The following MREG variants were observed in gnomAD, a reference collection of about 807,000 sequenced individuals.
MREG encodes dilute suppressor protein homolog.
A neutral mutation model predicts 28.5 loss-of-function variants in MREG; 31 were observed. The ratio of observed to expected loss-of-function variants is 1.09; its 90% confidence interval spans 0.82 to 1.47. MREG has a LOEUF of 1.47. Among genes scored for constraint, MREG ranks in the 40% most tolerant of loss-of-function variants. MREG has a pLI of 0.00. For synonymous variants in MREG, 106 were observed against 95.2 expected (o/e 1.11, Z -0.66); for missense variants, 256 against 257.4 (o/e 0.99, Z 0.04).
chr2:215,972,674 T>G (rs912143163), intron 2 of MREG, among the ~76,000 whole-genome samples: 2 of 151,826 alleles, frequency 1.3e-5, no homozygotes, highest in Non-Finnish European at 2.9e-5. Flanking sequence ...GATATGTTCA[T>G]GACCTTGATT....
intron 1 of MREG, among the ~76,000 whole-genome samples, chr2:216,000,445 A>T (rs1693987812): frequency 1.3e-5 from 2 of 151,946 alleles, no homozygotes; most frequent in Non-Finnish European, 2.9e-5. Context: ...TCCTTGAGTC[A>T]CCCAGACCTG....
chr2:216,021,488 T>TAAA (rs1694520092), intron 1 of MREG, among the ~76,000 whole-genome samples: 1 of 152,106 alleles, frequency 6.6e-6, no homozygotes, highest in African/African-American at 2.4e-5. Flanking sequence ...GTGCAACATA[T>TAAA]AAAGAGACAC....
rs1692218097 is a variant in MREG at position 215,942,859 on chromosome 2, T to A, written c.*2004A>T. ...TGTTTGAATGTTTATCTTGCGAGAG[T>A]CTACAGAATTGAGAGAAAATATCTG... On this transcript the variant is annotated 3_prime_UTR_variant, in exon 5 of 5. Coordinates refer to ENST00000263268, the MANE Select transcript of MREG (RefSeq NM_018000.3). 6.6e-6 allele frequency: 1 copy of A among 152,596 alleles called. No homozygotes were observed. The highest frequency in any genetic ancestry group is 6.5e-5 in the Admixed American group (1 of 15,284). The allele number at this position is 152,596 out of a possible 1,614,324, so 9.5% of individuals were successfully genotyped here.
intron 2 of MREG, among the ~76,000 whole-genome samples, chr2:215,960,973 G>A (rs1181899561): frequency 2.0e-5 from 3 of 152,268 alleles, no homozygotes; most frequent in Admixed American, 6.5e-5. Flanking sequence ...AAAAAGAGAA[G>A]ACTGTATTTC....
At chr2:216,021,296 C>T (rs980245702) in intron 1 of MREG, among the ~76,000 whole-genome samples, 2 of 152,176 alleles carry the variant, frequency 1.3e-5, no homozygotes, top group African/African-American at 4.8e-5. Context: ...CACAGGCATG[C>T]ACAACCACAC....
intron 2 of MREG, among the ~76,000 whole-genome samples, chr2:215,950,104 G>A (rs1345061307): frequency 6.6e-6 from 1 of 152,182 alleles, no homozygotes; most frequent in African/African-American, 2.4e-5. Context: ...TCAATCCAAG[G>A]ATGAGTTGCC....
At chr2:215,984,699 A>G (rs980995089) in intron 2 of MREG, among the ~76,000 whole-genome samples, 2 of 152,108 alleles carry the variant, frequency 1.3e-5, no homozygotes, top group Non-Finnish European at 2.9e-5. Flanking sequence ...TTTGGAGGTA[A>G]TAAAACAGAA....
At chr2:216,027,515 A>G (rs1338319046) in intron 1 of MREG, among the ~76,000 whole-genome samples, 1 of 152,200 alleles carries the variant, frequency 6.6e-6, no homozygotes, top group Non-Finnish European at 1.5e-5. Context: ...AACATGGTGA[A>G]ACCCCCATCT....
At chr2:215,976,614 C>T (rs547125362) in intron 2 of MREG, among the ~76,000 whole-genome samples, 1 of 152,294 alleles carries the variant, frequency 6.6e-6, no homozygotes, top group South Asian at 2.1e-4. Context: ...AGAGCAACAT[C>T]TGGAGTACAG....
At chr2:215,968,867 C>T (rs901308961) in intron 2 of MREG, among the ~76,000 whole-genome samples, 4 of 152,148 alleles carry the variant, frequency 2.6e-5, no homozygotes, top group Admixed American at 6.5e-5. Flanking sequence ...GCAATCTTCC[C>T]GCCTCAGCCT....
chr2:216,013,927 T>A (rs74938553), upstream of MREG, among the ~76,000 whole-genome samples: 5,898 of 152,186 alleles, frequency 0.039, 320 homozygotes, highest in African/African-American at 0.12. Context: ...GGTTTTTTTT[T>A]AAATAATATA....
rs183219927 is a variant in MREG, at chr2:215,989,750, C to T, written c.255+6556G>A. On this transcript the variant is annotated intron_variant, in intron 2 of 4. Coordinates refer to ENST00000263268, the MANE Select transcript of MREG (RefSeq NM_018000.3). ...CAGCAGGAGAACTTCATGAAGCATT[C>T]GCAAGTATCAATAGCCAAATCGATC... Among the ~76,000 whole-genome samples, 472 of 151,658 alleles carry T rather than the reference C, an allele frequency of 3.1e-3. 8 individuals carry two copies. Among genetic ancestry groups the T allele is most frequent in the Admixed American group, 1.3e-3 (20 of 15,244 alleles).
At chr2:215,959,517 T>C (rs541628111) in intron 2 of MREG, among the ~76,000 whole-genome samples, 16 of 152,370 alleles carry the variant, frequency 1.1e-4, no homozygotes, top group African/African-American at 3.8e-4. Context: ...CTTGTTCCTC[T>C]GCTTCCACAA....
At chr2:216,007,046 A>C (rs1694172812) in intron 1 of MREG, among the ~76,000 whole-genome samples, 1 of 152,188 alleles carries the variant, frequency 6.6e-6, no homozygotes, top group South Asian at 2.1e-4. Flanking sequence ...TGGCATTGAA[A>C]TCTACTAGCA....
chr2:215,983,423 C>T (rs1185516364), intron 2 of MREG, among the ~76,000 whole-genome samples: 2 of 152,174 alleles, frequency 1.3e-5, no homozygotes, highest in Non-Finnish European at 2.9e-5. Context: ...TTTTGTTGTC[C>T]CTTTTTGTAT....
intron 2 of MREG, among the ~76,000 whole-genome samples, chr2:215,985,612 C>T (rs189838645): frequency 9.7e-4 from 147 of 152,162 alleles, no homozygotes; most frequent in African/African-American, 3.5e-3. Flanking sequence ...TTTTTCCTGA[C>T]TTTTTTTCAG....
intron 1 of MREG, among the ~76,000 whole-genome samples, chr2:216,023,743 C>T (rs1174693455): frequency 6.6e-6 from 1 of 152,220 alleles, no homozygotes; most frequent in African/African-American, 2.4e-5. Flanking sequence ...CCTTGTCTCA[C>T]TGCAACCTCT....
chr2:215,964,937 G>A (rs1864252), intron 2 of MREG, among the ~76,000 whole-genome samples: 35,961 of 152,002 alleles, frequency 0.24, 4,734 homozygotes, highest in South Asian at 0.33. Flanking sequence ...AAAATAGTAC[G>A]ATAGTATTTA....
chr2:215,999,689 G>GA (rs1574642704), intron 1 of MREG, among the ~76,000 whole-genome samples: 2 of 152,242 alleles, frequency 1.3e-5, no homozygotes, highest in East Asian at 3.8e-4. Context: ...GAGTGGAAAT[G>GA]AGGACCGATT....
Sources: gnomAD v4.1 joint callset for allele counts (sites outside exome capture counted in the v4.1 genomes callset) on GRCh38, gnomAD v4.1.1 for gene constraint, MANE v1.5 for transcripts, NCBI Gene and HGNC (gene_info 2026-07-23, HGNC 2026-07-21) for gene names.